The following STXBP5 variants were observed in gnomAD, a reference collection of about 807,000 sequenced individuals.
STXBP5 encodes the protein syntaxin binding protein 5, also known as syntaxin-binding protein 5.
STXBP5 carries 50 observed loss-of-function variants against 152.4 expected under a neutral mutation model. The observed-to-expected ratio is 0.33, with a 90% CI of 0.26 to 0.42. STXBP5 has a LOEUF of 0.42. Among genes scored for constraint, STXBP5 ranks in the 10% least tolerant of loss-of-function variants. STXBP5 has a pLI of 1.00. For missense variants in STXBP5, 1,167 were observed against 1,388.6 expected, an observed-to-expected ratio of 0.84 and a Z score of 2.54; for synonymous variants, 492 against 494.7, an observed-to-expected ratio of 0.99 and a Z score of 0.07.
chr6:147,322,260 A>G (rs1378350047), intron 16 of STXBP5, among the ~76,000 whole-genome samples: 1 of 152,198 alleles, frequency 6.6e-6, no homozygotes, highest in Non-Finnish European at 1.5e-5. Flanking sequence ...GAAATGCCTC[A>G]GTTGTTACTC....
rs771603392 is a variant in STXBP5 at position 147,302,803 on chromosome 6, G to C, written c.918-7281G>C. ...GTACTCCAAATTGGTGGATTCACAA[G>C]GGAAAATGCATACTGGCGTATAACA... On this transcript the variant is annotated intron_variant, in intron 9 of 27. Coordinates refer to ENST00000321680, the MANE Select transcript of STXBP5 (RefSeq NM_001127715.4). 1.3e-4 allele frequency among the ~76,000 whole-genome samples: 20 copies of C among 152,196 alleles called. 1 individual carries two copies. Among genetic ancestry groups the C allele is most frequent in the Non-Finnish European group, 1.5e-5 (1 of 68,040 alleles).
At chr6:147,306,625 C>G (rs1261215606) in intron 9 of STXBP5, among the ~76,000 whole-genome samples, 1 of 152,192 alleles carries the variant, frequency 6.6e-6, no homozygotes, top group Non-Finnish European at 1.5e-5. Flanking sequence ...CATGTCCTGG[C>G]TTACTCACTG....
At chr6:147,309,903 A>G (rs1782278880) in intron 9 of STXBP5, among the ~76,000 whole-genome samples, 181 bp from the exon 10 acceptor site, 1 of 152,168 alleles carries the variant, frequency 6.6e-6, no homozygotes, top group Non-Finnish European at 1.5e-5. Context: ...GTTAATTTTC[A>G]GCAATTCACT....
At chr6:147,310,358 G>C (rs910132299) in intron 10 of STXBP5, 120 bp downstream of exon 10, 1 of 715,450 alleles carries the variant, frequency 1.4e-6, no homozygotes, top group African/African-American at 1.9e-5. Flanking sequence ...CTGGAGAAGA[G>C]CTGCTGCATT....
chr6:147,245,950 A>AT (rs1447710445), intron 4 of STXBP5, among the ~76,000 whole-genome samples: 3 of 152,156 alleles, frequency 2.0e-5, no homozygotes, highest in Non-Finnish European at 4.4e-5. Context: ...GGCCTCCAGA[A>AT]CTGTGAGAGA....
intron 11 of STXBP5, among the ~76,000 whole-genome samples, chr6:147,312,307 T>C (rs1198427116): frequency 6.6e-6 from 1 of 152,202 alleles, no homozygotes; most frequent in African/African-American, 2.4e-5. Flanking sequence ...ATTCTGCTTT[T>C]TGGATCATAG....
Position 147,341,304 on chromosome 6 carries a change from A to T in STXBP5, c.2254+1920A>T, listed in dbSNP as rs554004802. Among the ~76,000 whole-genome samples, 10 of 152,178 alleles carry T rather than the reference A, an allele frequency of 6.6e-5. No homozygotes were observed. In the East Asian group the frequency reaches 1.4e-3, roughly 21 times the overall value. ...AATGTCAATGAAACATTGGAAAAAA[A>T]CTCATAGATCTTCTGAGGACCTCCC... On this transcript the variant is annotated intron_variant, in intron 21 of 27. Transcript: ENST00000321680.
chr6:147,305,671 TTTGAG>T (rs1446920581), intron 9 of STXBP5, among the ~76,000 whole-genome samples: 1 of 152,172 alleles, frequency 6.6e-6, no homozygotes, highest in Non-Finnish European at 1.5e-5. Flanking sequence ...ATGTTTGAAA[TTTGAG>T]TTAAGAATTT....
At chr6:147,271,714 C>G (rs1235680658) in intron 7 of STXBP5, among the ~76,000 whole-genome samples, 1 of 151,814 alleles carries the variant, frequency 6.6e-6, no homozygotes, top group African/African-American at 2.4e-5. Flanking sequence ...GCTTTCACCA[C>G]AAGAAACTAG....
At chr6:147,348,287 C>G (rs903611764) in intron 21 of STXBP5, among the ~76,000 whole-genome samples, 1 of 152,072 alleles carries the variant, frequency 6.6e-6, no homozygotes, top group East Asian at 1.9e-4. Flanking sequence ...CCTCTTCATG[C>G]AAGGGAAAGA....
intron 8 of STXBP5, among the ~76,000 whole-genome samples, chr6:147,279,070 C>T (rs1026553515): frequency 5.9e-5 from 9 of 152,170 alleles, no homozygotes; most frequent in Admixed American, 1.3e-4. Flanking sequence ...GAATAATGAG[C>T]GTTTTCTTGA....
chr6:147,376,005 G>C (rs1324382083), intron 26 of STXBP5, among the ~76,000 whole-genome samples: 1 of 152,094 alleles, frequency 6.6e-6, no homozygotes, highest in African/African-American at 2.4e-5. Flanking sequence ...GAATTCTAAA[G>C]GGTACACATC....
At chr6:147,369,094 G>T (rs993280079) in intron 25 of STXBP5, among the ~76,000 whole-genome samples, 46 of 152,092 alleles carry the variant, frequency 3.0e-4, no homozygotes, top group Admixed American at 3.0e-3. Flanking sequence ...TTATAAAGCT[G>T]CAGTAATCAG....
At chr6:147,248,433 TATG>T (rs1175749053) in intron 4 of STXBP5, among the ~76,000 whole-genome samples, 2 of 152,286 alleles carry the variant, frequency 1.3e-5, no homozygotes, top group South Asian at 2.1e-4. Context: ...TATGAAAACA[TATG>T]ATGAAATAAT....
chr6:147,233,661 T>G (rs1013235591), intron 2 of STXBP5, among the ~76,000 whole-genome samples: 2 of 151,684 alleles, frequency 1.3e-5, no homozygotes, highest in Non-Finnish European at 3.0e-5. Flanking sequence ...CTCACTATAC[T>G]GGGTAGAAGG....
intron 16 of STXBP5, among the ~76,000 whole-genome samples, chr6:147,322,683 C>T (rs1782997603): frequency 6.6e-6 from 1 of 152,198 alleles, no homozygotes; most frequent in Non-Finnish European, 1.5e-5. Flanking sequence ...TGTTTTGCTA[C>T]AGCAATTACT....
chr6:147,368,392 T>C (rs376271511), intron 25 of STXBP5, among the ~76,000 whole-genome samples: 1 of 152,164 alleles, frequency 6.6e-6, no homozygotes, highest in African/African-American at 2.4e-5. Context: ...ATCCATCTTA[T>C]TAAAAAGCTT....
intron 4 of STXBP5, among the ~76,000 whole-genome samples, chr6:147,252,390 C>T (rs1259119614): frequency 2.0e-5 from 3 of 151,816 alleles, no homozygotes; most frequent in African/African-American, 7.3e-5. Context: ...CATAAATGAC[C>T]TGATAGAGCT....
chr6:147,311,736 A>G (rs1782387171), intron 11 of STXBP5, among the ~76,000 whole-genome samples: 1 of 152,066 alleles, frequency 6.6e-6, no homozygotes, highest in Non-Finnish European at 1.5e-5. Flanking sequence ...TTAGGTAAAA[A>G]TTTGTTGTAG....
Sources: gnomAD v4.1 joint callset for allele counts (sites outside exome capture counted in the v4.1 genomes callset) on GRCh38, gnomAD v4.1.1 for gene constraint, MANE v1.5 for transcripts, NCBI Gene and HGNC (gene_info 2026-07-23, HGNC 2026-07-21) for gene names.